The following NRG1 variants were observed in gnomAD, a reference collection of about 807,000 sequenced individuals.
NRG1 encodes the protein neuregulin 1.
NRG1 carries 18 observed loss-of-function variants against 63.8 expected under a neutral mutation model. The ratio of observed to expected loss-of-function variants is 0.28; its 90% CI spans 0.19 to 0.42. The LOEUF is 0.42. NRG1 is among the 10% of genes least tolerant of loss of function. The probability of loss-of-function intolerance (pLI) is 1.00; values close to 1 mark genes in which losing one functional copy is unlikely to be tolerated. For synonymous variants in NRG1, 302 were observed against 301.3 expected, an observed-to-expected ratio of 1.00 and a Z score of -0.02; for missense variants, 762 against 814.7, an observed-to-expected ratio of 0.94 and a Z score of 0.79.
intron 1 of NRG1, among the ~76,000 whole-genome samples, chr8:32,417,247 A>G (rs1304544208): frequency 6.6e-6 from 1 of 152,176 alleles, no homozygotes; most frequent in Non-Finnish European, 1.5e-5. Flanking sequence ...ACTAGTATCA[A>G]CTGCCATACA....
chr8:32,687,318 G>A (rs1468225390), intron 5 of NRG1, among the ~76,000 whole-genome samples: 1 of 152,188 alleles, frequency 6.6e-6, no homozygotes, highest in African/African-American at 2.4e-5. Context: ...ACTAGATGAT[G>A]GATGGATGGA....
At chr8:32,438,788 A>T (rs1819119034) in intron 1 of NRG1, among the ~76,000 whole-genome samples, 1 of 152,138 alleles carries the variant, frequency 6.6e-6, no homozygotes, top group Non-Finnish European at 1.5e-5. Flanking sequence ...GTGGCTAATG[A>T]TGTTGAACAT....
chr8:32,761,730 C>T (rs936948020), intron 11 of NRG1, among the ~76,000 whole-genome samples: 2 of 151,844 alleles, frequency 1.3e-5, no homozygotes, highest in Admixed American at 6.6e-5. Context: ...CACTCATGGA[C>T]TGGGGAGTAC....
intron 1 of NRG1, among the ~76,000 whole-genome samples, chr8:32,133,330 T>C (rs895604363): frequency 2.0e-5 from 3 of 152,080 alleles, no homozygotes; most frequent in African/African-American, 7.2e-5. Flanking sequence ...CCCTGAATTC[T>C]AGTTTTTGCC....
At chr8:32,075,706 T>A (rs1826399573) in intron 1 of NRG1, among the ~76,000 whole-genome samples, 1 of 120,854 alleles carries the variant, frequency 8.3e-6, no homozygotes, top group Admixed American at 8.8e-5. Flanking sequence ...GGAGTCTCGC[T>A]CTGTCACCCA....
chr8:32,140,885 G>C (rs1252566463), intron 1 of NRG1, among the ~76,000 whole-genome samples: 1 of 151,946 alleles, frequency 6.6e-6, no homozygotes, highest in Non-Finnish European at 1.5e-5. Context: ...CACTTTGTTA[G>C]AACTTACATT....
intron 1 of NRG1, among the ~76,000 whole-genome samples, chr8:32,046,669 T>C (rs1002836086): frequency 1.3e-5 from 2 of 151,992 alleles, no homozygotes; most frequent in African/African-American, 4.8e-5. Context: ...TTATACAGAA[T>C]GAAAGAAGTC....
At chr8:31,713,110 T>C (rs1811972144) in intron 1 of NRG1, among the ~76,000 whole-genome samples, 1 of 48,874 alleles carries the variant, frequency 2.0e-5, no homozygotes, top group African/African-American at 5.3e-5. Context: ...CTCCTTCTAA[T>C]TTTTTTTTTT....
chr8:31,685,672 G>A (rs1808810495), intron 1 of NRG1, among the ~76,000 whole-genome samples: 1 of 152,136 alleles, frequency 6.6e-6, no homozygotes, highest in South Asian at 2.1e-4. Flanking sequence ...CCCCCATGTA[G>A]TTCCAACCCT....
At chr8:32,714,423 A>T (rs1445700791) in intron 5 of NRG1, among the ~76,000 whole-genome samples, 5 of 152,204 alleles carry the variant, frequency 3.3e-5, no homozygotes, top group Non-Finnish European at 5.9e-5. Flanking sequence ...GAATCAATTT[A>T]TGTTTAGTCT....
At chr8:32,602,612 C>A (rs1844573950) in intron 2 of NRG1, among the ~76,000 whole-genome samples, 1 of 152,084 alleles carries the variant, frequency 6.6e-6, no homozygotes, top group South Asian at 2.1e-4. Context: ...AGAAAAGCTA[C>A]AGTTTTCTTA....
chr8:32,492,606 T>C (rs1257718427), intron 1 of NRG1, among the ~76,000 whole-genome samples: 3 of 152,098 alleles, frequency 2.0e-5, no homozygotes, highest in Non-Finnish European at 4.4e-5. Flanking sequence ...TTCCAGTAAA[T>C]AAACTCTAAA....
intron 5 of NRG1, among the ~76,000 whole-genome samples, chr8:32,671,425 A>G (rs2919388): frequency 0.042 from 6,365 of 152,274 alleles, 667 homozygotes; most frequent in East Asian, 0.41. Context: ...AATGAGAGGA[A>G]TGGATTAGAA....
chr8:32,570,266 A>T (rs890544171), intron 1 of NRG1, among the ~76,000 whole-genome samples: 4 of 152,016 alleles, frequency 2.6e-5, no homozygotes, highest in Non-Finnish European at 4.4e-5. Context: ...TTTCTTTTTT[A>T]AAAACCTTTT....
intron 1 of NRG1, among the ~76,000 whole-genome samples, chr8:31,996,194 A>C (rs2129633356): frequency 6.6e-6 from 1 of 151,984 alleles, no homozygotes; most frequent in African/African-American, 2.4e-5. Flanking sequence ...TATTCATAAA[A>C]TTTATACAGT....
intron 1 of NRG1, among the ~76,000 whole-genome samples, chr8:31,642,451 T>C (rs1803889258): frequency 6.6e-6 from 1 of 152,190 alleles, no homozygotes; most frequent in Admixed American, 6.5e-5. Context: ...TTATACCTTT[T>C]AACTAGAAAT....
At chr8:32,413,770 A>G (rs751939143) in intron 1 of NRG1, among the ~76,000 whole-genome samples, 3 of 152,168 alleles carry the variant, frequency 2.0e-5, no homozygotes, top group Non-Finnish European at 4.4e-5. Flanking sequence ...TAGCACACTG[A>G]TTAAAATGAA....
chr8:32,213,262 C>A (rs113187611), intron 1 of NRG1, among the ~76,000 whole-genome samples: 1 of 152,142 alleles, frequency 6.6e-6, no homozygotes, highest in Admixed American at 6.5e-5. Context: ...TACATATACA[C>A]CATGGAATAC....
chr8:31,701,007 C>G (rs1810572736), intron 1 of NRG1, among the ~76,000 whole-genome samples: 2 of 152,186 alleles, frequency 1.3e-5, no homozygotes, highest in African/African-American at 2.4e-5. Flanking sequence ...GCGCTTTTCG[C>G]TGCTGGAGCA....
Sources: allele counts gnomAD v4.1 joint callset (sites outside exome capture counted in the v4.1 genomes callset), GRCh38; gene constraint gnomAD v4.1.1; transcripts MANE v1.5; gene names NCBI Gene and HGNC (gene_info 2026-07-23, HGNC 2026-07-21).